The following ACOXL variants were observed in gnomAD, a reference collection of about 807,000 sequenced individuals.
ACOXL encodes acyl-coenzyme A oxidase-like protein.
A neutral mutation model predicts 71.9 loss-of-function variants in ACOXL; 70 were observed. That is an observed-to-expected ratio of 0.97 (90% CI 0.80 to 1.19). The LOEUF (loss-of-function observed/expected upper bound fraction) is 1.19, where lower values mean the gene tolerates loss of function less well. ACOXL is among the 50% of genes most tolerant of loss of function. ACOXL has a pLI of 0.00. For missense variants in ACOXL, 703 were observed against 736.3 expected (o/e 0.95, Z 0.52); for synonymous variants, 253 against 281.6 (o/e 0.90, Z 1.02).
At chr2:110,759,936 A>G (rs1314683658) in intron 1 of ACOXL, among the ~76,000 whole-genome samples, 1 of 151,900 alleles carries the variant, frequency 6.6e-6, no homozygotes, top group Non-Finnish European at 1.5e-5. Flanking sequence ...ATTCTAATGT[A>G]TATTTTAATT....
intron 9 of ACOXL, among the ~76,000 whole-genome samples, chr2:110,827,186 C>T (rs1689262888): frequency 1.3e-5 from 2 of 152,130 alleles, no homozygotes; most frequent in Non-Finnish European, 2.9e-5. Flanking sequence ...ACACAGCCTC[C>T]AAAAGTTTGC....
intron 9 of ACOXL, among the ~76,000 whole-genome samples, chr2:110,824,014 G>A (rs1688909059): frequency 6.6e-6 from 1 of 152,016 alleles, no homozygotes. Flanking sequence ...TGCTTTTGGT[G>A]CTATATCTAA....
At chr2:110,997,558 G>A (rs1179494629) in intron 14 of ACOXL, among the ~76,000 whole-genome samples, 1 of 152,126 alleles carries the variant, frequency 6.6e-6, no homozygotes, top group Non-Finnish European at 1.5e-5. Context: ...TTTAATCCCT[G>A]AGTACAGCCA....
intron 10 of ACOXL, among the ~76,000 whole-genome samples, chr2:110,860,142 G>C (rs1693766290): frequency 6.6e-6 from 1 of 152,106 alleles, no homozygotes; most frequent in Non-Finnish European, 1.5e-5. Flanking sequence ...GTGGAGTCTT[G>C]CTCTGTTGCC....
chr2:110,909,763 A>G (rs571187167), intron 11 of ACOXL, among the ~76,000 whole-genome samples: 67 of 150,906 alleles, frequency 4.4e-4, no homozygotes, highest in African/African-American at 1.6e-3. Context: ...TGGATTGCCC[A>G]GGCGTCGCTG....
intron 10 of ACOXL, among the ~76,000 whole-genome samples, chr2:110,844,667 C>T (rs1219514246): frequency 6.6e-6 from 1 of 151,870 alleles, no homozygotes; most frequent in Non-Finnish European, 1.5e-5. Context: ...CATACCTCAG[C>T]CTCCCGAATA....
intron 10 of ACOXL, among the ~76,000 whole-genome samples, chr2:110,860,297 G>A (rs1348096472): frequency 6.6e-6 from 1 of 152,180 alleles, no homozygotes; most frequent in Non-Finnish European, 1.5e-5. Context: ...TTTTAGTAGA[G>A]ACGAGGTTTC....
At chr2:110,773,634 T>A (rs1682257337) in intron 2 of ACOXL, among the ~76,000 whole-genome samples, 1 of 152,196 alleles carries the variant, frequency 6.6e-6, no homozygotes, top group South Asian at 2.1e-4. Context: ...CTTGGCTCCC[T>A]CTTGGGCCTC....
At chr2:111,117,076 C>G (rs1190325121) in intron 17 of ACOXL, among the ~76,000 whole-genome samples, 3 of 152,238 alleles carry the variant, frequency 2.0e-5, no homozygotes, top group Non-Finnish European at 2.9e-5. Context: ...TTTCAAGAAT[C>G]ATGGCCTACT....
At chr2:110,735,439 G>A (rs1044955368) in intron 1 of ACOXL, among the ~76,000 whole-genome samples, 10 of 152,192 alleles carry the variant, frequency 6.6e-5, no homozygotes, top group African/African-American at 2.4e-4. Flanking sequence ...TGTGTACATA[G>A]TGAGAAGTTT....
intron 11 of ACOXL, among the ~76,000 whole-genome samples, chr2:110,929,574 A>T (rs886709715): frequency 2.0e-5 from 3 of 152,262 alleles, no homozygotes; most frequent in Non-Finnish European, 4.4e-5. Flanking sequence ...ATAAATAGTG[A>T]GGAACCAAAT....
At chr2:110,982,887 G>C (rs900623814) in intron 12 of ACOXL, among the ~76,000 whole-genome samples, 1 of 152,190 alleles carries the variant, frequency 6.6e-6, no homozygotes, top group Non-Finnish European at 1.5e-5. Context: ...GACCATGCTT[G>C]GTTCAGTGCT....
chr2:110,923,361 G>A (rs1243617856), intron 11 of ACOXL, among the ~76,000 whole-genome samples: 1 of 151,926 alleles, frequency 6.6e-6, no homozygotes, highest in African/African-American at 2.4e-5. Flanking sequence ...TGGTCGTAGG[G>A]CCCATCTCCT....
At chr2:110,951,150 G>A (rs114708884) in intron 12 of ACOXL, among the ~76,000 whole-genome samples, 31 of 152,292 alleles carry the variant, frequency 2.0e-4, no homozygotes, top group African/African-American at 6.5e-4. Context: ...GCCAGCGGAC[G>A]TCCCATCTCT....
At chr2:110,911,318 C>T (rs1236076298) in intron 11 of ACOXL, among the ~76,000 whole-genome samples, 1 of 152,030 alleles carries the variant, frequency 6.6e-6, no homozygotes, top group African/African-American at 2.4e-5. Context: ...AATATCAGTC[C>T]TCCACAAACT....
intron 12 of ACOXL, chr2:110,968,192 A>T: frequency 6.2e-6 from 7 of 1,122,428 alleles, no homozygotes; most frequent in Non-Finnish European, 9.4e-6. Context: ...AACATCTATG[A>T]AGGCCAAGTG....
At chr2:110,878,631 G>A (rs577601723) in intron 10 of ACOXL, among the ~76,000 whole-genome samples, 47 of 152,192 alleles carry the variant, frequency 3.1e-4, no homozygotes, top group African/African-American at 1.1e-3. Context: ...TGGGCACGGT[G>A]GTGCAAGCCT....
At position 110,950,273 on chromosome 2, in the gene ACOXL, A is replaced by T. The variant is rs79079260; in HGVS notation, c.1059+16631A>T. Among the ~76,000 whole-genome samples the T allele has an allele frequency of 3.1e-3, 474 of 152,258 alleles. 3 individuals are homozygous for T. Among genetic ancestry groups the T allele is most frequent in the Non-Finnish European group, 5.6e-3 (379 of 68,028 alleles). On this transcript the variant is annotated intron_variant, in intron 12 of 17. Coordinates refer to ENST00000439055, the MANE Select transcript of ACOXL (RefSeq NM_001142807.4). ...AGAAAGTCCGTATGTCATCTTTGTGAGTGTCCTAGGTTAGTAGGTCCTATC... is the reference window on the plus strand; with the variant it reads ...AGAAAGTCCGTATGTCATCTTTGTGTGTGTCCTAGGTTAGTAGGTCCTATC...
chr2:111,010,230 G>A (rs1358267811), intron 14 of ACOXL, among the ~76,000 whole-genome samples: 3 of 152,088 alleles, frequency 2.0e-5, no homozygotes, highest in Non-Finnish European at 4.4e-5. Flanking sequence ...TAAAAGGGAT[G>A]AAGAGAGAGG....
Sources: gnomAD v4.1 joint callset for allele counts (sites outside exome capture counted in the v4.1 genomes callset) on GRCh38, gnomAD v4.1.1 for gene constraint, MANE v1.5 for transcripts, NCBI Gene and HGNC (gene_info 2026-07-23, HGNC 2026-07-21) for gene names.